The following NSMCE1 variants were observed in gnomAD, a reference collection of about 807,000 sequenced individuals.
NSMCE1 encodes the protein non-structural maintenance of chromosomes element 1 homolog.
NSMCE1 carries 18 observed loss-of-function variants against 29.6 expected under a neutral mutation model. The observed-to-expected ratio is 0.61, with a 90% CI of 0.42 to 0.90. The LOEUF (loss-of-function observed/expected upper bound fraction) is 0.90. Ranked by LOEUF, NSMCE1 falls within the 40% of genes least tolerant of loss-of-function variation. The pLI, the probability that NSMCE1 is intolerant of heterozygous loss-of-function variation, is 0.00. For missense variants in NSMCE1, 314 were observed against 343.6 expected, an observed-to-expected ratio of 0.91 and a Z score of 0.68; for synonymous variants, 124 against 133.4, an observed-to-expected ratio of 0.93 and a Z score of 0.49.
rs764348614 is a variant in NSMCE1, at chr16:27,257,493, G to C, written c.78C>G (p.Gly26=). ...GCTTCACGTCCCATTCCTCTAGCACGCCATGGGTCATCAGCAACTGGAGGA... is the reference window on the plus strand; with the variant it reads ...GCTTCACGTCCCATTCCTCTAGCACCCCATGGGTCATCAGCAACTGGAGGA... The part of the protein sequence containing the change: ...RRFLQLLMTH[G]VLEEWDVKRL... The change falls in exon 2 of 8, where the codon GGC becomes GGG. Residue 26 remains glycine (G), a synonymous_variant. Transcript: ENST00000361439. 2.5e-6 allele frequency: 4 copies of C among 1,613,768 alleles called. No individual in the cohort carries two copies. In the African/African-American group the frequency reaches 5.3e-5, roughly 22 times the overall value.
At chr16:27,238,234 A>C (rs1434877891) in intron 2 of NSMCE1, among the ~76,000 whole-genome samples, 1 of 151,628 alleles carries the variant, frequency 6.6e-6, no homozygotes, top group African/African-American at 2.4e-5. Flanking sequence ...CCCACTTCTC[A>C]TCTCTAACAG....
At chr16:27,263,368 G>C (rs971225570) in intron 1 of NSMCE1, among the ~76,000 whole-genome samples, 1 of 152,164 alleles carries the variant, frequency 6.6e-6, no homozygotes, top group Non-Finnish European at 1.5e-5. Context: ...CAGCCATAAA[G>C]AAGAATGAGA....
rs146112936 is a variant in NSMCE1 at position 27,252,137 on chromosome 16, A to T, written c.136+5298T>A. Among the ~76,000 whole-genome samples, 505 of 152,320 alleles carry T rather than the reference A, an allele frequency of 3.3e-3. 3 individuals carry two copies. The highest frequency in any genetic ancestry group is 0.012 in the African/African-American group (497 of 41,580). On this transcript the variant is annotated intron_variant, in intron 2 of 7. Coordinates refer to ENST00000361439, the MANE Select transcript of NSMCE1 (RefSeq NM_145080.4). Reference sequence around the variant, plus strand: ...GTACAGAACTTCTAAAACTCTTAGAATTCCCTGAGTCATATAGGTGATAGA... The same window carrying T: ...GTACAGAACTTCTAAAACTCTTAGATTTCCCTGAGTCATATAGGTGATAGA...
intron 2 of NSMCE1, among the ~76,000 whole-genome samples, chr16:27,250,287 A>G (rs1429786181): frequency 6.6e-6 from 1 of 152,198 alleles, no homozygotes; most frequent in East Asian, 1.9e-4. Flanking sequence ...CTAGAACAAA[A>G]GTGGTGAGAA....
chr16:27,264,507 T>C (rs182229190), intron 1 of NSMCE1, among the ~76,000 whole-genome samples: 55 of 152,326 alleles, frequency 3.6e-4, no homozygotes, highest in Admixed American at 3.1e-3. Flanking sequence ...AAGGTATACA[T>C]ATATGGATAC....
At chr16:27,268,542 G>T (rs1567288239) in intron 1 of NSMCE1, 164 bp downstream of exon 1, 1 of 152,014 alleles carries the variant, frequency 6.6e-6, no homozygotes, top group Admixed American at 6.6e-5. Flanking sequence ...ATCAAGAAGG[G>T]GGAAACCCCA....
At chr16:27,228,271 G>A (rs1347589311) in intron 5 of NSMCE1, among the ~76,000 whole-genome samples, 3 of 152,278 alleles carry the variant, frequency 2.0e-5, no homozygotes, top group Admixed American at 1.3e-4. Context: ...ATGGACAGCC[G>A]CTGCGGGAAC....
intron 1 of NSMCE1, among the ~76,000 whole-genome samples, chr16:27,261,366 T>C (rs1156694297): frequency 6.6e-6 from 1 of 151,462 alleles, no homozygotes; most frequent in East Asian, 1.9e-4. Flanking sequence ...GAGCTAAAAC[T>C]TATAAACAAA....
At chr16:27,250,736 C>T (rs545691647) in intron 2 of NSMCE1, among the ~76,000 whole-genome samples, 6 of 151,166 alleles carry the variant, frequency 4.0e-5, no homozygotes, top group African/African-American at 9.7e-5. Context: ...GAGGTTGTAG[C>T]GAGCTGAGAT....
chr16:27,250,996 C>G (rs996592881), intron 2 of NSMCE1, among the ~76,000 whole-genome samples: 1 of 147,408 alleles, frequency 6.8e-6, no homozygotes, highest in Non-Finnish European at 1.5e-5. Context: ...CATGCACCAC[C>G]GTGCCCAGCT....
intron 4 of NSMCE1, 85 bp downstream of exon 4, chr16:27,234,103 C>T (rs757266502): frequency 1.3e-5 from 11 of 875,076 alleles, no homozygotes; most frequent in Non-Finnish European, 2.2e-5. Context: ...GATCCTTGAA[C>T]ACTGCAGTTG....
chr16:27,243,510 G>T (rs908769495), intron 2 of NSMCE1, among the ~76,000 whole-genome samples: 1 of 152,158 alleles, frequency 6.6e-6, no homozygotes, highest in African/African-American at 2.4e-5. Flanking sequence ...AACCTGCCCA[G>T]AAAGCCAGCC....
intron 2 of NSMCE1, among the ~76,000 whole-genome samples, chr16:27,242,100 G>A (rs1048678800): frequency 3.9e-4 from 59 of 152,322 alleles, no homozygotes; most frequent in Non-Finnish European, 2.2e-4. Context: ...TCGGAACTGA[G>A]TGATGGCACA....
intron 2 of NSMCE1, among the ~76,000 whole-genome samples, chr16:27,251,536 G>A (rs1381817157): frequency 3.3e-5 from 5 of 152,126 alleles, no homozygotes; most frequent in Admixed American, 6.5e-5. Context: ...GGTTTAGCAC[G>A]TTAACGTCTA....
chr16:27,242,648 C>G (rs1201940992), intron 2 of NSMCE1, among the ~76,000 whole-genome samples: 1 of 152,168 alleles, frequency 6.6e-6, no homozygotes, highest in African/African-American at 2.4e-5. Context: ...AAGCAGTGCC[C>G]ACTGCTTTAT....
At chr16:27,250,841 CTG>C (rs1181160471) in intron 2 of NSMCE1, among the ~76,000 whole-genome samples, 9 of 126,658 alleles carry the variant, frequency 7.1e-5, no homozygotes, top group Non-Finnish European at 8.0e-5. Flanking sequence ...TTAATTTTAA[CTG>C]TTTTTTTTTT....
chr16:27,267,944 T>C (rs2084245144), intron 1 of NSMCE1, among the ~76,000 whole-genome samples: 1 of 152,078 alleles, frequency 6.6e-6, no homozygotes, highest in Admixed American at 6.6e-5. Context: ...GGTTTCACCA[T>C]ATTAGCCAGG....
chr16:27,237,927 G>A (rs905031547), intron 2 of NSMCE1, among the ~76,000 whole-genome samples: 5 of 152,110 alleles, frequency 3.3e-5, no homozygotes, highest in Non-Finnish European at 5.9e-5. Context: ...CTGCTTGGGC[G>A]CTCCCGTTCT....
chr16:27,242,748 A>G (rs190590188), intron 2 of NSMCE1, among the ~76,000 whole-genome samples: 279 of 152,360 alleles, frequency 1.8e-3, no homozygotes, highest in African/African-American at 6.4e-3. Flanking sequence ...TACACATTTC[A>G]TCTAATCACA....
Sources: allele counts gnomAD v4.1 joint callset (sites outside exome capture counted in the v4.1 genomes callset), GRCh38; gene constraint gnomAD v4.1.1; transcripts MANE v1.5; gene names NCBI Gene and HGNC (gene_info 2026-07-23, HGNC 2026-07-21).